TM9SF2: variants seen among roughly 807,000 people sequenced by gnomAD.
TM9SF2 encodes transmembrane 9 superfamily member 2.
A neutral mutation model predicts 84.9 loss-of-function variants in TM9SF2; 13 were observed. The ratio of observed to expected loss-of-function variants is 0.15; its 90% confidence interval spans 0.10 to 0.24. The LOEUF (loss-of-function observed/expected upper bound fraction) is 0.24. Among genes scored for constraint, TM9SF2 ranks in the 10% least tolerant of loss-of-function variants. The pLI is 1.00. For synonymous variants in TM9SF2, 273 were observed against 285.8 expected (o/e 0.96, Z 0.45); for missense variants, 562 against 818.5 (o/e 0.69, Z 3.82).
intron 1 of TM9SF2, among the ~76,000 whole-genome samples, chr13:99,510,425 T>G (rs2046108753): frequency 6.6e-6 from 1 of 152,192 alleles, no homozygotes; most frequent in South Asian, 2.1e-4. Context: ...TACCTGAGAC[T>G]GGGTAATTTA....
chr13:99,557,225 C>T (rs981220617), intron 15 of TM9SF2, among the ~76,000 whole-genome samples: 4 of 152,126 alleles, frequency 2.6e-5, no homozygotes, highest in African/African-American at 9.7e-5. Context: ...TTGTAGCTGT[C>T]TTCGTGGGTG....
chr13:99,549,266 G>A (rs774193077), intron 12 of TM9SF2, 44 bp downstream of exon 12: 17 of 1,541,464 alleles, frequency 1.1e-5, no homozygotes, highest in Non-Finnish European at 1.3e-5. Context: ...ATAGTTACAT[G>A]TTAGTCCCCA....
At chr13:99,521,234 T>C (rs1038046643) in intron 3 of TM9SF2, among the ~76,000 whole-genome samples, 3 of 152,232 alleles carry the variant, frequency 2.0e-5, no homozygotes, top group African/African-American at 4.8e-5. Context: ...CCTGAAAATT[T>C]TCATACACCT....
rs2046256187 is a variant in TM9SF2, at chr13:99,540,872, A to G, written c.908+79A>G. On this transcript the variant is annotated intron_variant, in intron 8 of 16. Transcript: ENST00000376387. ...CTTTGAACATCTCATTTACTCTCAA[A>G]TCCTCTCTACTTTATTCAAAAGTCT... 4 of 1,273,338 alleles carry G rather than the reference A, an allele frequency of 3.1e-6. No homozygotes were observed. In the East Asian group the frequency reaches 7.1e-5, roughly 22 times the overall value. The allele number at this position is 1,273,338 out of a possible 1,614,324, so 78.9% of individuals were successfully genotyped here. A position where few individuals can be genotyped will look rare whatever the true frequency, so the allele number is the denominator to read the frequency against.
At chr13:99,549,763 C>G (rs1028023445) in intron 12 of TM9SF2, among the ~76,000 whole-genome samples, 1 of 152,218 alleles carries the variant, frequency 6.6e-6, no homozygotes, top group African/African-American at 2.4e-5. Flanking sequence ...GCAAAACCCA[C>G]TTCCTCCCAA....
At chr13:99,560,833 C>T (rs918184208) in intron 16 of TM9SF2, among the ~76,000 whole-genome samples, 8 of 152,144 alleles carry the variant, frequency 5.3e-5, no homozygotes, top group Admixed American at 5.2e-4. Context: ...AGGCGCCCGC[C>T]ACTGCGCCCG....
At chr13:99,506,729 G>A (rs1257493537) in intron 1 of TM9SF2, among the ~76,000 whole-genome samples, 1 of 152,114 alleles carries the variant, frequency 6.6e-6, no homozygotes, top group East Asian at 1.9e-4. Context: ...ACAAATCACA[G>A]ATATATGTTC....
At chr13:99,559,621 A>G in intron 16 of TM9SF2, 87 bp downstream of exon 16, 3 of 1,294,732 alleles carry the variant, frequency 2.3e-6, no homozygotes, top group East Asian at 5.1e-5. Flanking sequence ...AAAACCCATG[A>G]AGGCTTATTC....
chr13:99,561,823 GA>G (rs947996759), intron 16 of TM9SF2, among the ~76,000 whole-genome samples: 1 of 152,162 alleles, frequency 6.6e-6, no homozygotes, highest in African/African-American at 2.4e-5. Flanking sequence ...CTTGAAGTCA[GA>G]AAAAACGCAT....
chr13:99,509,963 G>A (rs928700189), intron 1 of TM9SF2, among the ~76,000 whole-genome samples: 1 of 152,084 alleles, frequency 6.6e-6, no homozygotes, highest in Non-Finnish European at 1.5e-5. Context: ...TGACCCTTCA[G>A]CTAAGATAGG....
At chr13:99,541,418 T>C in intron 8 of TM9SF2, 141 bp from the exon 9 acceptor site, 1 of 576,640 alleles carries the variant, frequency 1.7e-6, no homozygotes, top group East Asian at 3.1e-5. Flanking sequence ...CACAGTTCAT[T>C]GAATTTGTTG....
intron 3 of TM9SF2, 103 bp from the exon 4 acceptor site, chr13:99,529,364 T>G: frequency 1.9e-6 from 2 of 1,046,944 alleles, no homozygotes; most frequent in Non-Finnish European, 1.3e-6. Flanking sequence ...ATTAATGCAC[T>G]TAAGTAATTT....
intron 7 of TM9SF2, among the ~76,000 whole-genome samples, chr13:99,539,892 T>C (rs962084753): frequency 6.6e-5 from 10 of 152,338 alleles, no homozygotes; most frequent in African/African-American, 2.4e-4. Flanking sequence ...CACCGTACTT[T>C]AAAGGATTTA....
intron 12 of TM9SF2, among the ~76,000 whole-genome samples, chr13:99,550,718 A>G (rs1337894114): frequency 6.6e-6 from 1 of 152,250 alleles, no homozygotes; most frequent in African/African-American, 2.4e-5. Context: ...GCATATAATT[A>G]CTGCAACAGA....
intron 5 of TM9SF2, 98 bp from the exon 6 acceptor site, chr13:99,537,641 T>G (rs1243422176): frequency 2.0e-6 from 2 of 993,628 alleles, no homozygotes; most frequent in Non-Finnish European, 2.9e-6. Context: ...CCATTCAAAC[T>G]TAAATTTTCT....
At chr13:99,552,471 G>A in intron 13 of TM9SF2, 145 bp downstream of exon 13, 3 of 868,918 alleles carry the variant, frequency 3.5e-6, no homozygotes, top group Non-Finnish European at 5.1e-6. Context: ...TAAAATAGTA[G>A]TATTATTTAG....
intron 8 of TM9SF2, 93 bp from the exon 9 acceptor site, chr13:99,541,462 AGACT>A (rs1385363690): frequency 3.7e-6 from 3 of 803,910 alleles, no homozygotes; most frequent in Non-Finnish European, 5.9e-6. Context: ...ATTTTGATCA[AGACT>A]GTTTTAATGT....
At chr13:99,550,900 T>G (rs1411380338) in intron 12 of TM9SF2, among the ~76,000 whole-genome samples, 1 of 151,706 alleles carries the variant, frequency 6.6e-6, no homozygotes, top group Non-Finnish European at 1.5e-5. Flanking sequence ...GGCTTGTTGT[T>G]TAAGTTCTGT....
At chr13:99,554,207 T>A in intron 13 of TM9SF2, 97 bp from the exon 14 acceptor site, 1 of 1,432,254 alleles carries the variant, frequency 7.0e-7, no homozygotes, top group East Asian at 2.3e-5. Context: ...AGTGACAACA[T>A]AGAAGCTGAA....
Sources: allele counts gnomAD v4.1 joint callset (sites outside exome capture counted in the v4.1 genomes callset), GRCh38; gene constraint gnomAD v4.1.1; transcripts MANE v1.5; gene names NCBI Gene and HGNC (gene_info 2026-07-23, HGNC 2026-07-21).